CNBD1: variants seen among roughly 807,000 people sequenced by gnomAD.
CNBD1 encodes cyclic nucleotide-binding domain-containing protein 1.
Under a neutral mutation model 54.4 loss-of-function variants are expected in CNBD1, and 71 were observed. The observed-to-expected ratio is 1.30, with a 90% CI of 1.08 to 1.59. The LOEUF is 1.59. Among genes scored for constraint, CNBD1 ranks in the 40% most tolerant of loss-of-function variants. The pLI is 0.00. For missense variants in CNBD1, 659 were observed against 518.0 expected (o/e 1.27, Z -2.64); for synonymous variants, 182 against 170.7 (o/e 1.07, Z -0.51).
intron 4 of CNBD1, among the ~76,000 whole-genome samples, chr8:87,083,998 A>G (rs2130669292): frequency 6.6e-6 from 1 of 152,298 alleles, no homozygotes; most frequent in Admixed American, 6.5e-5. Context: ...GGACCTCCTG[A>G]GGGCTATGTC....
At chr8:87,033,980 T>A (rs962905144) in intron 4 of CNBD1, among the ~76,000 whole-genome samples, 1 of 152,216 alleles carries the variant, frequency 6.6e-6, no homozygotes, top group Non-Finnish European at 1.5e-5. Flanking sequence ...TTCTTATGGC[T>A]GTCCTGCATC....
intron 4 of CNBD1, among the ~76,000 whole-genome samples, chr8:87,129,756 A>G (rs1447766570): frequency 6.6e-6 from 1 of 152,170 alleles, no homozygotes; most frequent in African/African-American, 2.4e-5. Context: ...TCAGTCTCAC[A>G]TATTTAAACA....
chr8:87,409,894 G>A (rs1050947856), intron 2 of CNBD1, among the ~76,000 whole-genome samples: 14 of 151,924 alleles, frequency 9.2e-5, no homozygotes, highest in Non-Finnish European at 2.1e-4. Flanking sequence ...GTGGTGGTGT[G>A]TACCTGTAGT....
chr8:87,363,318 G>C (rs1288964453), intron 10 of CNBD1, among the ~76,000 whole-genome samples: 1 of 152,030 alleles, frequency 6.6e-6, no homozygotes, highest in Non-Finnish European at 1.5e-5. Flanking sequence ...ACATGTGCAT[G>C]TGCCTTTATA....
intron 8 of CNBD1, among the ~76,000 whole-genome samples, chr8:87,293,349 G>A (rs1335852540): frequency 6.6e-6 from 1 of 152,054 alleles, no homozygotes; most frequent in Non-Finnish European, 1.5e-5. Flanking sequence ...CTCAAGACCA[G>A]CCTGGACAAC....
At chr8:86,988,738 A>C (rs2130523135) in intron 4 of CNBD1, among the ~76,000 whole-genome samples, 1 of 152,130 alleles carries the variant, frequency 6.6e-6, no homozygotes, top group East Asian at 1.9e-4. Flanking sequence ...CAATTGTCTT[A>C]ATTTTTAGCT....
At chr8:86,973,412 T>C (rs903903328) in intron 4 of CNBD1, among the ~76,000 whole-genome samples, 5 of 152,244 alleles carry the variant, frequency 3.3e-5, no homozygotes, top group African/African-American at 9.6e-5. Context: ...AAAGTTGTAC[T>C]TTTGTTATTA....
At chr8:87,221,937 T>C (rs1441765907) in intron 5 of CNBD1, among the ~76,000 whole-genome samples, 1 of 152,136 alleles carries the variant, frequency 6.6e-6, no homozygotes, top group African/African-American at 2.4e-5. Context: ...AAATAACTAC[T>C]CCTGGTACCT....
intron 10 of CNBD1, among the ~76,000 whole-genome samples, chr8:87,376,731 A>C (rs1810948358): frequency 6.6e-6 from 1 of 152,000 alleles, no homozygotes; most frequent in South Asian, 2.1e-4. Flanking sequence ...TAAGTTTATT[A>C]AACCCATTTT....
chr8:87,013,991 CAA>C (rs1230170870), intron 4 of CNBD1, among the ~76,000 whole-genome samples: 2 of 150,556 alleles, frequency 1.3e-5, no homozygotes, highest in Non-Finnish European at 3.0e-5. Context: ...AAAAGGAAAA[CAA>C]AAGTCTTTTC....
At chr8:87,228,955 TA>T (rs1274773046) in intron 5 of CNBD1, among the ~76,000 whole-genome samples, 2 of 152,208 alleles carry the variant, frequency 1.3e-5, no homozygotes, top group East Asian at 3.9e-4. Context: ...CGCCGTTTTT[TA>T]AGCCCGTCGG....
intron 8 of CNBD1, among the ~76,000 whole-genome samples, chr8:87,314,010 C>T (rs188395861): frequency 5.5e-4 from 84 of 151,972 alleles, no homozygotes; most frequent in Non-Finnish European, 2.2e-4. Context: ...AGAGATCCCT[C>T]CAGAGTACCA....
intron 8 of CNBD1, among the ~76,000 whole-genome samples, chr8:87,297,275 A>G (rs1300753477): frequency 6.6e-6 from 1 of 151,852 alleles, no homozygotes; most frequent in Admixed American, 6.6e-5. Context: ...TAGACACTTT[A>G]TACCTTTTTC....
chr8:87,389,714 A>C (rs568185887), intron 2 of CNBD1, among the ~76,000 whole-genome samples: 14 of 152,254 alleles, frequency 9.2e-5, no homozygotes, highest in South Asian at 2.1e-4. Context: ...CCCCATCAAG[A>C]TACCAATGAC....
chr8:87,272,202 A>T (rs552707442), intron 6 of CNBD1, among the ~76,000 whole-genome samples: 1 of 152,098 alleles, frequency 6.6e-6, no homozygotes, highest in East Asian at 1.9e-4. Context: ...ACATTAATAG[A>T]TTGCACATTT....
At chr8:87,364,057 T>A (rs964893928) in intron 10 of CNBD1, among the ~76,000 whole-genome samples, 4 of 151,960 alleles carry the variant, frequency 2.6e-5, no homozygotes, top group African/African-American at 7.2e-5. Context: ...CTAAGGTGTT[T>A]CTCAACATAT....
At chr8:86,901,842 G>A (rs77177990) in intron 2 of CNBD1, among the ~76,000 whole-genome samples, 10,756 of 152,126 alleles carry the variant, frequency 0.071, 526 homozygotes, top group East Asian at 0.21. Context: ...TGAGAACATC[G>A]AGTAGACTAG....
intron 4 of CNBD1, among the ~76,000 whole-genome samples, chr8:87,089,015 C>T (rs974934445): frequency 9.2e-5 from 14 of 151,952 alleles, no homozygotes; most frequent in Non-Finnish European, 2.1e-4. Flanking sequence ...AGAAGATTTA[C>T]GGGAAGCTTC....
chr8:87,424,254 GT>G (rs1268635256), intron 2 of CNBD1, among the ~76,000 whole-genome samples: 2 of 151,842 alleles, frequency 1.3e-5, no homozygotes, highest in African/African-American at 4.8e-5. Flanking sequence ...TTTTTGAAGG[GT>G]TTTTTGTGTC....
Sources: allele counts gnomAD v4.1 joint callset (sites outside exome capture counted in the v4.1 genomes callset), GRCh38; gene constraint gnomAD v4.1.1; transcripts MANE v1.5; gene names NCBI Gene and HGNC (gene_info 2026-07-23, HGNC 2026-07-21).